Variants in MARCHF1 observed in about 807,000 individuals in gnomAD.
MARCHF1 encodes E3 ubiquitin-protein ligase MARCHF1.
A neutral mutation model predicts 54.2 loss-of-function variants in MARCHF1; 40 were observed. The observed-to-expected ratio is 0.74, with a 90% CI of 0.57 to 0.96. MARCHF1 has a LOEUF of 0.96. MARCHF1 is among the 40% of genes least tolerant of loss of function. The pLI is 0.00. For synonymous variants in MARCHF1, 236 were observed against 236.3 expected (o/e 1.00, Z 0.01); for missense variants, 586 against 656.5 (o/e 0.89, Z 1.17).
intron 1 of MARCHF1, chr4:164,197,006 C>T: frequency 6.2e-7 from 1 of 1,604,944 alleles, no homozygotes; most frequent in Non-Finnish European, 8.5e-7. Context: ...TCTTCAGGTT[C>T]TCATTTTCGC....
chr4:163,723,312 G>T (rs1445998701), intron 4 of MARCHF1, among the ~76,000 whole-genome samples: 1 of 152,068 alleles, frequency 6.6e-6, no homozygotes, highest in African/African-American at 2.4e-5. Flanking sequence ...TGAAATTCTG[G>T]GTTGAAAATT....
chr4:164,303,615 T>C (rs1734620573), intron 1 of MARCHF1, among the ~76,000 whole-genome samples: 1 of 152,158 alleles, frequency 6.6e-6, no homozygotes, highest in African/African-American at 2.4e-5. Context: ...TATATGAAAT[T>C]ATACTCATGC....
intron 5 of MARCHF1, among the ~76,000 whole-genome samples, chr4:163,630,716 T>C (rs1259361427): frequency 6.6e-6 from 1 of 152,028 alleles, no homozygotes; most frequent in Non-Finnish European, 1.5e-5. Flanking sequence ...AGGTGAGATA[T>C]TATTAATGTC....
intron 3 of MARCHF1, among the ~76,000 whole-genome samples, chr4:163,879,750 A>G (rs1750372972): frequency 6.6e-6 from 1 of 151,820 alleles, no homozygotes; most frequent in Admixed American, 6.6e-5. Context: ...TTATACAATG[A>G]ATATTTGTGC....
At chr4:163,625,467 T>A (rs1741836419) in intron 5 of MARCHF1, among the ~76,000 whole-genome samples, 1 of 152,226 alleles carries the variant, frequency 6.6e-6, no homozygotes, top group African/African-American at 2.4e-5. Context: ...GTTGTGCGGT[T>A]GAATGGAGTG....
At chr4:163,902,388 T>G (rs933349614) in intron 3 of MARCHF1, among the ~76,000 whole-genome samples, 2 of 152,210 alleles carry the variant, frequency 1.3e-5, no homozygotes, top group Non-Finnish European at 2.9e-5. Flanking sequence ...ATGCTATCTC[T>G]GGCTCACAGA....
At chr4:163,609,560 C>G (rs181461490) in intron 7 of MARCHF1, among the ~76,000 whole-genome samples, 3 of 151,856 alleles carry the variant, frequency 2.0e-5, no homozygotes, top group Non-Finnish European at 4.4e-5. Flanking sequence ...GGTGACTACA[C>G]TGTGTATGTG....
rs750598904 is a variant in MARCHF1 at position 164,069,824 on chromosome 4, T to C, written c.-248+41764A>G. Among the ~76,000 whole-genome samples the C allele has an allele frequency of 2.6e-5, 4 of 152,178 alleles. No homozygotes were observed. In the South Asian group the frequency reaches 8.3e-4, roughly 31 times the overall value. On this transcript the variant is annotated intron_variant, in intron 2 of 9. Coordinates refer to ENST00000514618, the MANE Select transcript of MARCHF1 (RefSeq NM_001394959.1). ...AAAGACACATGAACTTGTATGTTTA[T>C]CACCATGAAATTTACAATAGAGAAG...
At chr4:163,936,106 A>G (rs1329933087) in intron 3 of MARCHF1, among the ~76,000 whole-genome samples, 3 of 152,114 alleles carry the variant, frequency 2.0e-5, no homozygotes, top group Non-Finnish European at 4.4e-5. Context: ...GAGACAGGGG[A>G]AGGGCCTGAC....
At chr4:163,793,212 G>A (rs1398843399) in intron 4 of MARCHF1, among the ~76,000 whole-genome samples, 11 of 152,134 alleles carry the variant, frequency 7.2e-5, no homozygotes, top group Non-Finnish European at 1.5e-5. Context: ...AAGTTGCCAC[G>A]GCAATGCAAA....
At chr4:164,252,235 A>G (rs1733148916) in intron 1 of MARCHF1, among the ~76,000 whole-genome samples, 1 of 152,202 alleles carries the variant, frequency 6.6e-6, no homozygotes, top group Non-Finnish European at 1.5e-5. Flanking sequence ...AATGAGGCAT[A>G]TGCTCAAATC....
intron 1 of MARCHF1, among the ~76,000 whole-genome samples, chr4:164,133,335 G>T (rs752645065): frequency 6.6e-6 from 1 of 152,104 alleles, no homozygotes; most frequent in Non-Finnish European, 1.5e-5. Context: ...TTATTACTGC[G>T]CAATGAATCC....
intron 2 of MARCHF1, among the ~76,000 whole-genome samples, chr4:164,031,806 T>C (rs1202466685): frequency 6.6e-6 from 1 of 152,160 alleles, no homozygotes; most frequent in Non-Finnish European, 1.5e-5. Context: ...TTTTGTTATG[T>C]CTCTGTCAGG....
intron 1 of MARCHF1, among the ~76,000 whole-genome samples, chr4:164,303,115 C>G (rs1734607203): frequency 6.6e-6 from 1 of 152,072 alleles, no homozygotes; most frequent in African/African-American, 2.4e-5. Flanking sequence ...TATTTCTGCT[C>G]CTTGGGATGG....
chr4:164,006,028 C>A (rs1396064672), intron 2 of MARCHF1, among the ~76,000 whole-genome samples: 1 of 151,964 alleles, frequency 6.6e-6, no homozygotes, highest in African/African-American at 2.4e-5. Context: ...TACTAATCAT[C>A]CAAAGCAAAG....
intron 4 of MARCHF1, among the ~76,000 whole-genome samples, chr4:163,846,940 G>A (rs1474542517): frequency 1.3e-5 from 2 of 152,110 alleles, no homozygotes; most frequent in African/African-American, 4.8e-5. Context: ...GTGAAAGCCA[G>A]ATTGTTTTCT....
At chr4:164,114,839 T>C (rs1345929220) in intron 1 of MARCHF1, among the ~76,000 whole-genome samples, 2 of 149,764 alleles carry the variant, frequency 1.3e-5, no homozygotes, top group South Asian at 4.2e-4. Flanking sequence ...TTCAGAGCTA[T>C]TAATTTTAGC....
intron 3 of MARCHF1, among the ~76,000 whole-genome samples, chr4:163,986,868 C>A (rs143823980): frequency 6.6e-6 from 1 of 152,090 alleles, no homozygotes; most frequent in Non-Finnish European, 1.5e-5. Flanking sequence ...AGATTTCTGG[C>A]GAAGACCTGG....
intron 2 of MARCHF1, among the ~76,000 whole-genome samples, chr4:164,010,158 C>T (rs1753387670): frequency 6.6e-6 from 1 of 150,602 alleles, no homozygotes; most frequent in Non-Finnish European, 1.5e-5. Flanking sequence ...CCTCTGCCTC[C>T]CAGGTTCAAG....
Sources: allele counts gnomAD v4.1 joint callset (sites outside exome capture counted in the v4.1 genomes callset), GRCh38; gene constraint gnomAD v4.1.1; transcripts MANE v1.5; gene names NCBI Gene and HGNC (gene_info 2026-07-23, HGNC 2026-07-21).